IQSEC1: variants seen among roughly 807,000 people sequenced by gnomAD.
IQSEC1 encodes IQ motif and SEC7 domain-containing protein 1.
In IQSEC1, 31 loss-of-function variants were observed where a neutral mutation model predicts 91.0. The ratio of observed to expected loss-of-function variants is 0.34; its 90% CI spans 0.26 to 0.46. The LOEUF is 0.46. Among genes scored for constraint, IQSEC1 ranks in the 20% least tolerant of loss-of-function variants. IQSEC1 has a pLI of 1.00. For synonymous variants in IQSEC1, 699 were observed against 662.6 expected (o/e 1.05, Z -0.84); for missense variants, 1,388 against 1,575.6 (o/e 0.88, Z 2.02).
rs1702544009 is a variant in IQSEC1, at chr3:13,004,354, G to T, written c.24-62489C>A. On this transcript the variant is annotated intron_variant, in intron 1 of 13. Transcript: ENST00000613206. The stretch of plus-strand genomic sequence containing the variant: ...GGGTAATCAGCTGTGAAGCAGAGAT[G>T]ATCAAATCCCTGCCCTCAGGTGTTG... Among the ~76,000 whole-genome samples, 3 of 152,342 alleles carry T rather than the reference G, an allele frequency of 2.0e-5. No homozygotes were observed. In the South Asian group the frequency reaches 6.2e-4, roughly 32 times the overall value.
At chr3:13,004,367 C>T (rs1702544637) in intron 1 of IQSEC1, among the ~76,000 whole-genome samples, 1 of 152,182 alleles carries the variant, frequency 6.6e-6, no homozygotes, top group Non-Finnish European at 1.5e-5. Flanking sequence ...CAAATCCCTG[C>T]CCTCAGGTGT....
chr3:13,015,848 GC>G, intron 1 of IQSEC1: 1 of 325,386 alleles, frequency 3.1e-6, no homozygotes, highest in Non-Finnish European at 4.4e-6. Context: ...CACTGGGCAG[GC>G]CCCAGTCAAT....
At chr3:13,172,214 A>C (rs574521701) in intron 1 of IQSEC1, among the ~76,000 whole-genome samples, 2 of 152,322 alleles carry the variant, frequency 1.3e-5, no homozygotes, top group East Asian at 3.9e-4. Flanking sequence ...CGGGCACAGC[A>C]AGGCTCTAAG....
chr3:13,060,003 G>A (rs980340215), intron 1 of IQSEC1, among the ~76,000 whole-genome samples: 1 of 152,214 alleles, frequency 6.6e-6, no homozygotes, highest in Non-Finnish European at 1.5e-5. Context: ...GGGATGAGGC[G>A]CCGGCTTGGG....
At chr3:13,183,737 T>G (rs890015203) in intron 1 of IQSEC1, among the ~76,000 whole-genome samples, 22 of 152,186 alleles carry the variant, frequency 1.4e-4, no homozygotes, top group Non-Finnish European at 1.9e-4. Flanking sequence ...TGTTTGTTTG[T>G]TTGGTTGGTT....
chr3:13,181,928 C>CT (rs1356756631), intron 1 of IQSEC1, among the ~76,000 whole-genome samples: 2 of 152,256 alleles, frequency 1.3e-5, no homozygotes, highest in Non-Finnish European at 2.9e-5. Context: ...GCAGTGACTG[C>CT]TCCTGTCTAG....
intron 12 of IQSEC1, among the ~76,000 whole-genome samples, chr3:12,903,119 G>C (rs1395079735): frequency 6.6e-6 from 1 of 152,254 alleles, no homozygotes; most frequent in African/African-American, 2.4e-5. Flanking sequence ...TGTTGAGAGG[G>C]ACCCTGGGGC....
At chr3:12,990,483 G>A (rs1701936813) in intron 1 of IQSEC1, among the ~76,000 whole-genome samples, 1 of 152,186 alleles carries the variant, frequency 6.6e-6, no homozygotes, top group Non-Finnish European at 1.5e-5. Context: ...AACTGGATAA[G>A]GAATGACGCA....
At chr3:12,910,567 AC>A (rs1695464430) in intron 10 of IQSEC1, among the ~76,000 whole-genome samples, 1 of 152,196 alleles carries the variant, frequency 6.6e-6, no homozygotes, top group Non-Finnish European at 1.5e-5. Flanking sequence ...CTGCGATGGG[AC>A]AGGAATGGCA....
At chr3:13,147,602 A>G (rs1339776303) in intron 2 of IQSEC1, among the ~76,000 whole-genome samples, 1 of 152,128 alleles carries the variant, frequency 6.6e-6, no homozygotes, top group Non-Finnish European at 1.5e-5. Context: ...CATTTTTGCA[A>G]TTGTGAATTG....
chr3:13,108,929 C>T (rs962631648), intron 2 of IQSEC1, among the ~76,000 whole-genome samples: 3 of 152,168 alleles, frequency 2.0e-5, no homozygotes, highest in Non-Finnish European at 1.5e-5. Context: ...AAGGCAAATG[C>T]GGTAAACAGT....
chr3:13,076,565 A>C (rs1705565572), upstream of IQSEC1, among the ~76,000 whole-genome samples: 1 of 152,182 alleles, frequency 6.6e-6, no homozygotes, highest in Admixed American at 6.5e-5. Flanking sequence ...CAGATCTGAC[A>C]GTCACAGAGC....
At chr3:13,024,339 G>C (rs1363936755) in intron 1 of IQSEC1, among the ~76,000 whole-genome samples, 3 of 147,516 alleles carry the variant, frequency 2.0e-5, no homozygotes, top group African/African-American at 7.6e-5. Context: ...CCATCCATCT[G>C]TTCCCTCACC....
chr3:12,956,713 A>AG (rs1376341445), intron 1 of IQSEC1, among the ~76,000 whole-genome samples: 1 of 152,182 alleles, frequency 6.6e-6, no homozygotes, highest in East Asian at 1.9e-4. Context: ...CTGAGTTTGG[A>AG]GGAATGCCCA....
Position 13,190,555 on chromosome 3 carries a change from CA to C in IQSEC1, c.273-26423del, listed in dbSNP as rs79890597. On this transcript the variant is annotated intron_variant, in intron 1 of 15. Transcript: ENST00000648114. Reference sequence around the variant, plus strand: ...TGGGTGACAGAGCAAGACCCTGTCTCAAAAAAAAAAAACAGATAAAGTGTGG... The same window carrying C: ...TGGGTGACAGAGCAAGACCCTGTCTCAAAAAAAAAAACAGATAAAGTGTGG... Among the ~76,000 whole-genome samples the C allele has an allele frequency of 6.6e-4, 94 of 142,680 alleles. No homozygotes were observed. The East Asian group carries it at 8.1e-3, about 12-fold the overall frequency. 93.6% of individuals were successfully genotyped at this position (142,680 alleles called of 152,430 possible).
At chr3:13,099,194 C>A (rs1197759098) in intron 2 of IQSEC1, among the ~76,000 whole-genome samples, 1 of 152,104 alleles carries the variant, frequency 6.6e-6, no homozygotes, top group Non-Finnish European at 1.5e-5. Flanking sequence ...GGGGCCATAG[C>A]CCCTGGAGAG....
chr3:13,003,056 C>T (rs2124844811), intron 1 of IQSEC1, among the ~76,000 whole-genome samples: 1 of 151,932 alleles, frequency 6.6e-6, no homozygotes, highest in East Asian at 1.9e-4. Context: ...TTTACAATAG[C>T]CAAAAAGTGG....
chr3:13,175,770 T>C (rs989637423), intron 1 of IQSEC1, among the ~76,000 whole-genome samples: 2 of 152,258 alleles, frequency 1.3e-5, no homozygotes, highest in Admixed American at 6.5e-5. Context: ...GGTTCACAGA[T>C]GGCACTTTGG....
rs1002470678 is a variant in IQSEC1, at chr3:13,025,539, G to A, written c.23+47453C>T. ...GGGTGCCCCCTACTCTGGAAGCTTA[G>A]TGAGGGTCAGTGAGCCTCTGTCTGG... On this transcript the variant is annotated intron_variant, in intron 1 of 13. Transcript: ENST00000613206. 5.3e-5 allele frequency among the ~76,000 whole-genome samples: 8 copies of A among 152,310 alleles called. No homozygotes were observed. In the East Asian group the frequency reaches 5.8e-4, roughly 11 times the overall value.
Sources: gnomAD v4.1 joint callset for allele counts (sites outside exome capture counted in the v4.1 genomes callset) on GRCh38, gnomAD v4.1.1 for gene constraint, MANE v1.5 for transcripts, NCBI Gene and HGNC (gene_info 2026-07-23, HGNC 2026-07-21) for gene names.